Variants in CD109 observed in about 807,000 individuals in gnomAD.
CD109 encodes the protein CD109 antigen.
Under a neutral mutation model 165.8 loss-of-function variants are expected in CD109, and 149 were observed. That is an observed-to-expected ratio of 0.90 (90% CI 0.79 to 1.03). The LOEUF (loss-of-function observed/expected upper bound fraction) is 1.03, where lower values mean the gene tolerates loss of function less well. Among genes scored for constraint, CD109 ranks in the 50% least tolerant of loss-of-function variants. The pLI is 0.00. For synonymous variants in CD109, 585 were observed against 592.1 expected (o/e 0.99, Z 0.18); for missense variants, 1,712 against 1,677.8 (o/e 1.02, Z -0.36).
At chr6:73,742,996 A>T (rs1409179944) in intron 5 of CD109, among the ~76,000 whole-genome samples, 7 of 152,142 alleles carry the variant, frequency 4.6e-5, no homozygotes, top group African/African-American at 1.2e-4. Context: ...ATTGAGAGGC[A>T]GTGTTGGGCA....
chr6:73,721,153 T>C (rs1480967013), intron 2 of CD109, among the ~76,000 whole-genome samples: 9 of 152,202 alleles, frequency 5.9e-5, no homozygotes, highest in Non-Finnish European at 1.0e-4. Flanking sequence ...TTAAGAGTCT[T>C]GCTCTTTGCT....
intron 5 of CD109, among the ~76,000 whole-genome samples, chr6:73,737,004 C>A (rs1207909893): frequency 1.3e-5 from 2 of 152,134 alleles, no homozygotes; most frequent in African/African-American, 2.4e-5. Flanking sequence ...ACTTGTATAG[C>A]TCTGAAATCT....
chr6:73,758,938 T>C lies in CD109; in HGVS notation c.674-6T>C. The C allele has an allele frequency of 6.5e-7, 1 of 1,539,654 alleles. No homozygotes were observed. The highest frequency in any genetic ancestry group is 1.7e-5 in the Admixed American group (1 of 59,574). Reference sequence around the variant, plus strand: ...AAAAAGATTTACCCTTGCTTTTCTTTTCCAGTATTACCAAAATTTGAAGTG... The same window carrying C: ...AAAAAGATTTACCCTTGCTTTTCTTCTCCAGTATTACCAAAATTTGAAGTG... On this transcript the variant is annotated splice_polypyrimidine_tract_variant and splice_region_variant and intron_variant, in intron 6 of 32. Transcript: ENST00000287097.
At position 73,715,614 on chromosome 6, in the gene CD109, G is replaced by T. The variant is rs532124036; in HGVS notation, c.248-7637G>T. Among the ~76,000 whole-genome samples the T allele has an allele frequency of 3.3e-5, 5 of 150,764 alleles. No homozygotes were observed. In the East Asian group the frequency reaches 7.8e-4, roughly 24 times the overall value. The stretch of plus-strand genomic sequence containing the variant: ...GTATAATAAAACCAACTATACAACT[G>T]ATTCTTTTTTTAATTTTTAATTGTT... On this transcript the variant is annotated intron_variant, in intron 2 of 32. Coordinates refer to ENST00000287097, the MANE Select transcript of CD109 (RefSeq NM_133493.5).
chr6:73,812,704 C>T (rs1049226009), intron 29 of CD109, among the ~76,000 whole-genome samples: 7 of 151,914 alleles, frequency 4.6e-5, no homozygotes, highest in African/African-American at 1.7e-4. Context: ...CATAATTATG[C>T]TCAATCCTCT....
intron 22 of CD109, among the ~76,000 whole-genome samples, chr6:73,790,216 T>G (rs1774872218): frequency 6.6e-6 from 1 of 150,560 alleles, no homozygotes; most frequent in African/African-American, 2.5e-5. Flanking sequence ...TACCTTGGCC[T>G]CCTATGAAGA....
intron 23 of CD109, among the ~76,000 whole-genome samples, chr6:73,800,491 G>A (rs1280786134): frequency 6.6e-6 from 1 of 152,068 alleles, no homozygotes; most frequent in Non-Finnish European, 1.5e-5. Flanking sequence ...TGGGTCAGAG[G>A]GTAAAGACAT....
intron 5 of CD109, among the ~76,000 whole-genome samples, chr6:73,742,319 T>G (rs565081348): frequency 6.6e-6 from 1 of 152,224 alleles, no homozygotes; most frequent in East Asian, 1.9e-4. Flanking sequence ...GGCTCACCCA[T>G]GTTGTAGCAT....
chr6:73,763,358 C>T (rs915548094), intron 9 of CD109, among the ~76,000 whole-genome samples: 2 of 152,272 alleles, frequency 1.3e-5, no homozygotes, highest in East Asian at 1.9e-4. Context: ...GTACATGTCA[C>T]TGCGGTAGAA....
chr6:73,772,801 G>C (rs1363587924), intron 15 of CD109, among the ~76,000 whole-genome samples: 1 of 151,806 alleles, frequency 6.6e-6, no homozygotes, highest in Non-Finnish European at 1.5e-5. Context: ...ATATATAGTT[G>C]GGTTGATTTG....
chr6:73,709,817 A>G (rs1476706162), intron 2 of CD109, among the ~76,000 whole-genome samples: 2 of 152,350 alleles, frequency 1.3e-5, no homozygotes, highest in Admixed American at 6.5e-5. Flanking sequence ...AATCCAGCAT[A>G]TAAACAGAAC....
chr6:73,703,532 A>C (rs1476865519), intron 2 of CD109, among the ~76,000 whole-genome samples: 1 of 152,230 alleles, frequency 6.6e-6, no homozygotes, highest in African/African-American at 2.4e-5. Flanking sequence ...AACAGATTGC[A>C]GTTTCCCAAA....
Position 73,723,247 on chromosome 6 carries a change from G to A in CD109, c.248-4G>A. The stretch of plus-strand genomic sequence containing the variant: ...CTCTGTTTTCTTTCCTGTTTTCCTT[G>A]TAGGCTCTTTTAAGACACTTACTCT... On this transcript the variant is annotated splice_polypyrimidine_tract_variant and splice_region_variant and intron_variant, in intron 2 of 32. Transcript: ENST00000287097. 1 of 1,612,472 alleles carries A rather than the reference G, an allele frequency of 6.2e-7. No homozygotes were observed. Among genetic ancestry groups the A allele is most frequent in the South Asian group, 1.1e-5 (1 of 90,660 alleles).
rs1169235379 is a variant in CD109, at chr6:73,736,495, A to C, written c.620A>C (p.Gln207Pro). 1.2e-6 allele frequency: 2 copies of C among 1,611,584 alleles called. No individual in the cohort carries two copies. Among genetic ancestry groups the C allele is most frequent in the Non-Finnish European group, 1.7e-6 (2 of 1,179,044 alleles). The stretch of plus-strand genomic sequence containing the variant: ...CCAATACTTGGTGACTGGTCTATTC[A>C]AGTTCAAGTGAATGTGAGTATAAAT... ...SHPILGDWSIQVQVNDQTYYQ... is the reference protein window; with the variant it reads ...SHPILGDWSIPVQVNDQTYYQ... The change falls in exon 5 of 33, where the codon CAA (glutamine) becomes CCA (proline). Residue 207 changes from glutamine to proline, a missense_variant. Coordinates refer to ENST00000287097, the MANE Select transcript of CD109 (RefSeq NM_133493.5).
At chr6:73,685,841 T>C in the CD109 span, among the ~76,000 whole-genome samples, 1 of 152,250 alleles carries the variant, frequency 6.6e-6, no homozygotes, top group African/African-American at 2.4e-5. Context: ...TCTGAAAATA[T>C]ATAAGATCAT....
intron 15 of CD109, among the ~76,000 whole-genome samples, chr6:73,779,594 T>A (rs181990689): frequency 1.3e-5 from 2 of 152,284 alleles, no homozygotes; most frequent in Admixed American, 1.3e-4. Flanking sequence ...GTGTTGTGTA[T>A]ATATACCACA....
At chr6:73,748,974 A>T (rs1425064753) in intron 5 of CD109, among the ~76,000 whole-genome samples, 4 of 152,206 alleles carry the variant, frequency 2.6e-5, no homozygotes, top group South Asian at 2.1e-4. Context: ...TTTTATGGTA[A>T]AAATAAAAGA....
chr6:73,718,779 A>G (rs1771838008), intron 2 of CD109, among the ~76,000 whole-genome samples: 1 of 150,016 alleles, frequency 6.7e-6, no homozygotes, highest in Non-Finnish European at 1.5e-5. Context: ...TTTAAACTCA[A>G]TGTATGTAAT....
intron 5 of CD109, among the ~76,000 whole-genome samples, chr6:73,754,147 C>T (rs1218609481): frequency 6.6e-6 from 1 of 152,120 alleles, no homozygotes; most frequent in Non-Finnish European, 1.5e-5. Context: ...TCAATAAATC[C>T]AGGACATTCT....
Sources: allele counts gnomAD v4.1 joint callset (sites outside exome capture counted in the v4.1 genomes callset), GRCh38; gene constraint gnomAD v4.1.1; transcripts MANE v1.5; gene names NCBI Gene and HGNC (gene_info 2026-07-23, HGNC 2026-07-21).